The following RPS6KA5 variants were observed in gnomAD, a reference collection of about 807,000 sequenced individuals.
RPS6KA5 encodes the protein ribosomal protein S6 kinase alpha-5.
In RPS6KA5, 27 loss-of-function variants were observed where a neutral mutation model predicts 85.5. That is an observed-to-expected ratio of 0.32 (90% CI 0.23 to 0.44). The LOEUF (loss-of-function observed/expected upper bound fraction) is 0.44, where lower values mean the gene tolerates loss of function less well. RPS6KA5 is among the 20% of genes least tolerant of loss of function. RPS6KA5 has a pLI of 1.00. For missense variants in RPS6KA5, 811 were observed against 980.9 expected, an observed-to-expected ratio of 0.83 and a Z score of 2.31; for synonymous variants, 334 against 348.2, an observed-to-expected ratio of 0.96 and a Z score of 0.46.
chr14:90,875,149 T>C, intron 15 of RPS6KA5, 52 bp downstream of exon 15: 3 of 1,516,704 alleles, frequency 2.0e-6, no homozygotes, highest in Non-Finnish European at 2.7e-6. Flanking sequence ...GCCATGATTC[T>C]ACTTCAATCA....
chr14:90,947,444 A>AC lies in RPS6KA5; in HGVS notation c.500_501insG (p.His167GlnfsTer11). 6.3e-7 allele frequency: 1 copy of AC among 1,589,852 alleles called. No homozygotes were observed. The highest frequency in any genetic ancestry group is 8.6e-7 in the Non-Finnish European group (1 of 1,158,090). ...AAATGAAGAGTCTTACCTTGTGGAG[A>AC]TGTTCGAGGGCAAGCACAATCTCTC... On this transcript the variant is annotated frameshift_variant, in exon 4 of 17. Coordinates refer to ENST00000614987, the MANE Select transcript of RPS6KA5 (RefSeq NM_004755.4). LOFTEE classifies it high-confidence loss of function.
rs777859214 is a variant in RPS6KA5, at chr14:90,872,078, G to C, written c.2405C>G (p.Ala802Gly). 4 of 1,612,008 alleles carry C rather than the reference G, an allele frequency of 2.5e-6. No individual in the cohort carries two copies. The highest frequency in any genetic ancestry group is 3.4e-6 in the Non-Finnish European group (4 of 1,179,144). The change falls in exon 17 of 17, where the codon GCT (alanine) becomes GGT (glycine). Residue 802 changes from alanine (A) to glycine (G), a missense_variant. Physicochemically the swap from Ala to Gly is moderately conservative, Grantham distance 60 (BLOSUM62 0). This residue lies in a region of RPS6KA5 where 650 missense variants were observed against 793.4 expected (regional missense o/e 0.82). Transcript: ENST00000614987. ...ACTGATACACTCCTACCATGCCTAA[G>C]CTACTGAGTCCGAGAACTGGAAGAG... is the stretch of plus-strand genomic sequence containing the variant. ...ETLFQFSDSV[A>G]
chr14:90,989,127 C>G (rs1478558399), intron 2 of RPS6KA5, among the ~76,000 whole-genome samples: 1 of 151,892 alleles, frequency 6.6e-6, no homozygotes, highest in Admixed American at 6.6e-5. Context: ...GTTCCCTGTT[C>G]AATAACCATA....
chr14:91,013,871 T>C (rs1461157782), intron 1 of RPS6KA5, among the ~76,000 whole-genome samples: 3 of 152,064 alleles, frequency 2.0e-5, no homozygotes, highest in African/African-American at 4.8e-5. Flanking sequence ...CCACTGAAGG[T>C]AGGGAAAGGG....
chr14:90,977,097 G>A (rs2039601055), intron 3 of RPS6KA5, among the ~76,000 whole-genome samples: 1 of 152,122 alleles, frequency 6.6e-6, no homozygotes, highest in African/African-American at 2.4e-5. Context: ...CACTAATGAG[G>A]GGATCCTGCA....
intron 1 of RPS6KA5, among the ~76,000 whole-genome samples, chr14:91,028,956 GAAGGGGTAGTAAACACA>G (rs2042083994): frequency 6.6e-6 from 1 of 152,168 alleles, no homozygotes; most frequent in South Asian, 2.1e-4. Context: ...TAATATATCT[GAAGGGGTAGTAAACACA>G]AAGAAAAATA....
At position 90,858,440 on chromosome 14, in the gene RPS6KA5, T is replaced by C. The variant is rs2032388252; in HGVS notation, c.*13634A>G. 1 of 152,206 alleles carries C rather than the reference T, an allele frequency of 6.6e-6. No individual in the cohort carries two copies. The highest frequency in any genetic ancestry group is 1.5e-5 in the Non-Finnish European group (1 of 68,034). The allele number at this position is 152,206 out of a possible 1,614,324, so 9.4% of individuals were successfully genotyped here. A position where few individuals can be genotyped will look rare whatever the true frequency, so the allele number is the denominator to read the frequency against. ...TTCAGCGATCGAGAATTATTATACT[T>C]TGTAAATGGAAATACCACTACTAAG... is the stretch of plus-strand genomic sequence containing the variant. On this transcript the variant is annotated 3_prime_UTR_variant, in exon 17 of 17. Transcript: ENST00000614987.
intron 3 of RPS6KA5, among the ~76,000 whole-genome samples, chr14:90,956,059 C>T (rs1475793831): frequency 6.6e-6 from 1 of 152,124 alleles, no homozygotes; most frequent in Non-Finnish European, 1.5e-5. Flanking sequence ...ACCATTTACA[C>T]TGTATTAAGT....
At chr14:90,939,808 C>A (rs1303928848) in intron 5 of RPS6KA5, among the ~76,000 whole-genome samples, 1 of 152,136 alleles carries the variant, frequency 6.6e-6, no homozygotes, top group Non-Finnish European at 1.5e-5. Context: ...ACAGCCAAAC[C>A]ATACCATAAA....
At chr14:91,005,992 CTG>C (rs1439246800) in intron 1 of RPS6KA5, among the ~76,000 whole-genome samples, 1 of 152,200 alleles carries the variant, frequency 6.6e-6, no homozygotes, top group Non-Finnish European at 1.5e-5. Context: ...GAATTGTACA[CTG>C]TCTTTCTTCA....
At chr14:91,059,585 A>G (rs539595118) in intron 1 of RPS6KA5, among the ~76,000 whole-genome samples, 17 of 152,326 alleles carry the variant, frequency 1.1e-4, no homozygotes, top group African/African-American at 3.8e-4. Flanking sequence ...ACATTTAATT[A>G]GTTATAAAGC....
rs893905092 is a variant in RPS6KA5, at chr14:91,056,949, G to A, written c.103+3383C>T. 8.9e-5 allele frequency among the ~76,000 whole-genome samples: 12 copies of A among 134,494 alleles called. No individual in the cohort carries two copies. In the East Asian group the frequency reaches 1.7e-3, roughly 19 times the overall value. 88.2% of individuals were successfully genotyped at this position (134,494 alleles called of 152,430 possible). A position where few individuals can be genotyped will look rare whatever the true frequency, so the allele number is the denominator to read the frequency against. ...GGCTGGCGTGCAATGGCATGATCTC[G>A]GCTCACTGCAACCTCCGCCTCCTGG... On this transcript the variant is annotated intron_variant, in intron 1 of 16. Coordinates refer to ENST00000614987, the MANE Select transcript of RPS6KA5 (RefSeq NM_004755.4).
At chr14:90,960,260 T>C (rs2038730873) in intron 3 of RPS6KA5, among the ~76,000 whole-genome samples, 1 of 151,896 alleles carries the variant, frequency 6.6e-6, no homozygotes, top group African/African-American at 2.4e-5. Context: ...ATCTATCAAC[T>C]CTGTTAGGAT....
chr14:91,052,007 C>G (rs892129995), intron 1 of RPS6KA5, among the ~76,000 whole-genome samples: 1 of 151,996 alleles, frequency 6.6e-6, no homozygotes, highest in African/African-American at 2.4e-5. Context: ...CTTTAATGCT[C>G]GTAAATACTT....
intron 1 of RPS6KA5, chr14:91,060,037 A>G: frequency 1.0e-6 from 1 of 985,324 alleles, no homozygotes; most frequent in Non-Finnish European, 1.2e-6. Flanking sequence ...AAGGGGGAGC[A>G]GCGACATCCT....
At chr14:91,038,786 ATCT>A in intron 1 of RPS6KA5, among the ~76,000 whole-genome samples, 2 of 152,210 alleles carry the variant, frequency 1.3e-5, no homozygotes, top group Non-Finnish European at 2.9e-5. Context: ...GCCAGTGCTA[ATCT>A]AGAGCCTAGA....
At chr14:90,872,413 T>C (rs1007165375) in intron 16 of RPS6KA5, 91 bp from the exon 17 acceptor site, 7 of 1,447,232 alleles carry the variant, frequency 4.8e-6, no homozygotes, top group African/African-American at 2.8e-5. Context: ...CAACTTTCCA[T>C]TGGCAACTGC....
chr14:90,986,073 T>C lies in RPS6KA5; in HGVS notation c.176-7549A>G, dbSNP rs115883803. 7.3e-3 allele frequency among the ~76,000 whole-genome samples: 1,105 copies of C among 152,350 alleles called. 9 individuals carry two copies. Among genetic ancestry groups the C allele is most frequent in the Middle Eastern group, 0.027 (8 of 294 alleles). On this transcript the variant is annotated intron_variant, in intron 2 of 16. Coordinates refer to ENST00000614987, the MANE Select transcript of RPS6KA5 (RefSeq NM_004755.4). ...TCTCACTCTAAAGAACCTGAAACTG[T>C]TATTTTTAGATGATGGATTCAACCG... is the stretch of plus-strand genomic sequence containing the variant.
At chr14:90,917,354 A>G (rs2036170841) in intron 7 of RPS6KA5, among the ~76,000 whole-genome samples, 1 of 152,230 alleles carries the variant, frequency 6.6e-6, no homozygotes, top group South Asian at 2.1e-4. Context: ...AATTTTTAAC[A>G]GTTTTATTGA....
Sources: allele counts gnomAD v4.1 joint callset (sites outside exome capture counted in the v4.1 genomes callset), GRCh38; gene constraint gnomAD v4.1.1; regional missense constraint gnomAD v4.1.1; transcripts MANE v1.5; gene names NCBI Gene and HGNC (gene_info 2026-07-23, HGNC 2026-07-21).